SDK1: variants seen among roughly 807,000 people sequenced by gnomAD.
The protein encoded by SDK1 is protein sidekick-1.
In SDK1, 157 loss-of-function variants were observed where a neutral mutation model predicts 245.5. The ratio of observed to expected loss-of-function variants is 0.64; its 90% CI spans 0.56 to 0.73. The LOEUF is 0.73. Among genes scored for constraint, SDK1 ranks in the 30% least tolerant of loss-of-function variants. The pLI is 0.00. For synonymous variants in SDK1, 1,647 were observed against 1,278.5 expected, an observed-to-expected ratio of 1.29 and a Z score of -6.15; for missense variants, 3,583 against 3,002.3, an observed-to-expected ratio of 1.19 and a Z score of -4.52.
chr7:4,137,912 T>A (rs1779202513), intron 28 of SDK1, among the ~76,000 whole-genome samples: 1 of 152,206 alleles, frequency 6.6e-6, no homozygotes, highest in African/African-American at 2.4e-5. Flanking sequence ...AGCTGCTCCT[T>A]TGTGCCATTT....
chr7:3,673,292 A>G lies in SDK1; in HGVS notation c.713+31187A>G, dbSNP rs546966466. ...ATCCCATGGGGGCGGTTCATGATCAACAGAATCATTCATTGGACGGAAAGA... is the reference window on the plus strand; with the variant it reads ...ATCCCATGGGGGCGGTTCATGATCAGCAGAATCATTCATTGGACGGAAAGA... On this transcript the variant is annotated intron_variant, in intron 4 of 44. Transcript: ENST00000404826. 4.7e-4 allele frequency among the ~76,000 whole-genome samples: 72 copies of G among 152,348 alleles called. 1 individual carries two copies. Among genetic ancestry groups the G allele is most frequent in the African/African-American group, 1.7e-3 (70 of 41,588 alleles).
intron 7 of SDK1, among the ~76,000 whole-genome samples, chr7:3,956,736 G>A (rs1781293096): frequency 6.6e-6 from 1 of 152,220 alleles, no homozygotes; most frequent in African/African-American, 2.4e-5. Flanking sequence ...CATGCTGTGT[G>A]CCAAACACAG....
chr7:3,710,227 T>C (rs1427778658), intron 4 of SDK1, among the ~76,000 whole-genome samples: 3 of 152,216 alleles, frequency 2.0e-5, no homozygotes, highest in Non-Finnish European at 4.4e-5. Flanking sequence ...CCCACATGTG[T>C]ACATTTTGTT....
intron 5 of SDK1, among the ~76,000 whole-genome samples, chr7:3,915,566 C>T (rs188357581): frequency 6.6e-6 from 1 of 152,310 alleles, no homozygotes; most frequent in Admixed American, 6.5e-5. Context: ...CTTCATCTTA[C>T]ACCATGATGG....
At chr7:3,479,266 A>G (rs1449251445) in intron 1 of SDK1, among the ~76,000 whole-genome samples, 1 of 151,804 alleles carries the variant, frequency 6.6e-6, no homozygotes, top group Non-Finnish European at 1.5e-5. Context: ...TACCAAAAAC[A>G]TAAAAATTAG....
chr7:3,364,298 A>G (rs1366642020), intron 1 of SDK1, among the ~76,000 whole-genome samples: 1 of 152,160 alleles, frequency 6.6e-6, no homozygotes, highest in Non-Finnish European at 1.5e-5. Flanking sequence ...ATGAAGTCAG[A>G]TTGATAAGTT....
intron 4 of SDK1, among the ~76,000 whole-genome samples, chr7:3,654,027 C>T (rs933485782): frequency 5.3e-5 from 8 of 152,218 alleles, no homozygotes; most frequent in African/African-American, 1.9e-4. Context: ...AGGTAAAAAA[C>T]GTTCATCTTT....
chr7:3,773,405 C>A (rs188649425), intron 4 of SDK1, among the ~76,000 whole-genome samples: 14 of 151,524 alleles, frequency 9.2e-5, no homozygotes, highest in African/African-American at 3.4e-4. Flanking sequence ...GGTTTTCTGT[C>A]TTTATTTATA....
At chr7:3,691,482 T>C (rs1418122858) in intron 4 of SDK1, among the ~76,000 whole-genome samples, 1 of 152,194 alleles carries the variant, frequency 6.6e-6, no homozygotes, top group Non-Finnish European at 1.5e-5. Context: ...GAGCATGTTA[T>C]AAATGGCTCA....
At chr7:3,393,100 A>T (rs1311489281) in intron 1 of SDK1, among the ~76,000 whole-genome samples, 1 of 149,932 alleles carries the variant, frequency 6.7e-6, no homozygotes, top group African/African-American at 2.5e-5. Flanking sequence ...TCTCCTGAGT[A>T]GCTGAGATTA....
chr7:4,112,748 T>C (rs180710983), intron 23 of SDK1, among the ~76,000 whole-genome samples: 7 of 147,116 alleles, frequency 4.8e-5, no homozygotes, highest in Middle Eastern at 3.4e-3. Context: ...AGGGCACATA[T>C]GCAATTTGCA....
intron 1 of SDK1, among the ~76,000 whole-genome samples, chr7:3,343,224 A>G (rs1287465725): frequency 6.6e-6 from 1 of 152,202 alleles, no homozygotes; most frequent in Non-Finnish European, 1.5e-5. Flanking sequence ...ACCAATGCTT[A>G]GAGAAGCTTT....
intron 32 of SDK1, among the ~76,000 whole-genome samples, chr7:4,165,024 T>C (rs188563325): frequency 1.3e-4 from 20 of 152,348 alleles, no homozygotes; most frequent in Non-Finnish European, 2.8e-4. Flanking sequence ...CCAAATAAAA[T>C]GTTTCACCTG....
chr7:3,747,088 C>T (rs1244330327), intron 4 of SDK1, among the ~76,000 whole-genome samples: 3 of 152,182 alleles, frequency 2.0e-5, no homozygotes, highest in Non-Finnish European at 4.4e-5. Flanking sequence ...CATTCATCTC[C>T]ATGAGAACTC....
chr7:4,253,749 G>A (rs532531144), intron 44 of SDK1, among the ~76,000 whole-genome samples: 1 of 152,114 alleles, frequency 6.6e-6, no homozygotes, highest in Non-Finnish European at 1.5e-5. Context: ...TGAATTGTCT[G>A]TGTCTCCCTT....
intron 5 of SDK1, among the ~76,000 whole-genome samples, chr7:3,917,190 T>A (rs1779414417): frequency 6.6e-6 from 1 of 152,224 alleles, no homozygotes; most frequent in Non-Finnish European, 1.5e-5. Flanking sequence ...TGTCACTAAA[T>A]AAAAATCAAT....
chr7:3,827,766 C>T (rs1259666258), intron 5 of SDK1, among the ~76,000 whole-genome samples: 2 of 152,124 alleles, frequency 1.3e-5, no homozygotes, highest in East Asian at 1.9e-4. Flanking sequence ...TCATGCTCTC[C>T]CTCCCCTTTG....
At chr7:3,560,003 T>C (rs1272564573) in intron 1 of SDK1, among the ~76,000 whole-genome samples, 1 of 152,206 alleles carries the variant, frequency 6.6e-6, no homozygotes, top group Non-Finnish European at 1.5e-5. Flanking sequence ...AAGACAGAAA[T>C]GTGTAGCCCC....
At chr7:3,497,034 G>T (rs990468336) in intron 1 of SDK1, among the ~76,000 whole-genome samples, 1 of 152,142 alleles carries the variant, frequency 6.6e-6, no homozygotes, top group Non-Finnish European at 1.5e-5. Flanking sequence ...CATTTATCCA[G>T]TGAAAAATGT....
Sources: gnomAD v4.1 joint callset for allele counts (sites outside exome capture counted in the v4.1 genomes callset) on GRCh38, gnomAD v4.1.1 for gene constraint, MANE v1.5 for transcripts, NCBI Gene and HGNC (gene_info 2026-07-23, HGNC 2026-07-21) for gene names.